PSME4: variants seen among roughly 807,000 people sequenced by gnomAD.
PSME4 encodes proteasome activator subunit 4.
PSME4 carries 89 observed loss-of-function variants against 253.9 expected under a neutral mutation model. That is an observed-to-expected ratio of 0.35 (90% CI 0.30 to 0.42). The LOEUF is 0.42. Ranked by LOEUF, PSME4 falls within the 10% of genes least tolerant of loss-of-function variation. PSME4 has a pLI of 1.00. For synonymous variants in PSME4, 851 were observed against 759.2 expected, an observed-to-expected ratio of 1.12 and a Z score of -1.99; for missense variants, 2,014 against 2,195.2, an observed-to-expected ratio of 0.92 and a Z score of 1.65.
chr2:53,874,625 G>T, intron 42 of PSME4, 131 bp from the exon 43 acceptor site: 3 of 942,590 alleles, frequency 3.2e-6, no homozygotes, highest in South Asian at 1.6e-5. Flanking sequence ...GTTAGGACAA[G>T]CTCATATTTC....
chr2:53,897,565 C>G (rs755902632), intron 31 of PSME4, among the ~76,000 whole-genome samples: 20 of 152,134 alleles, frequency 1.3e-4, no homozygotes, highest in Middle Eastern at 3.2e-3. Flanking sequence ...GAGTAAAAAG[C>G]TATACCCTCG....
chr2:53,939,550 G>A (rs1326801138), intron 4 of PSME4, among the ~76,000 whole-genome samples: 1 of 152,014 alleles, frequency 6.6e-6, no homozygotes, highest in Non-Finnish European at 1.5e-5. Flanking sequence ...ATACAGCAAG[G>A]CCCCACTCTC....
At chr2:53,955,237 A>G (rs1282833641) in intron 1 of PSME4, among the ~76,000 whole-genome samples, 1 of 152,234 alleles carries the variant, frequency 6.6e-6, no homozygotes, top group African/African-American at 2.4e-5. Context: ...CCTGAAAAAA[A>G]ATCTATAAGT....
chr2:53,926,760 G>A (rs1668574670), intron 12 of PSME4, among the ~76,000 whole-genome samples: 1 of 151,686 alleles, frequency 6.6e-6, no homozygotes, highest in Non-Finnish European at 1.5e-5. Flanking sequence ...ATTACTTGAG[G>A]CCAGGAGTTC....
chr2:53,900,118 A>G (rs1238236229), intron 28 of PSME4, 101 bp from the exon 29 acceptor site: 1 of 1,061,368 alleles, frequency 9.4e-7, no homozygotes. Flanking sequence ...GCCAGACACA[A>G]AAGTCCACAT....
intron 26 of PSME4, 130 bp from the exon 27 acceptor site, chr2:53,904,286 G>T (rs559784629): frequency 5.4e-6 from 5 of 928,406 alleles, no homozygotes; most frequent in South Asian, 2.0e-5. Context: ...TTCAAAGCAC[G>T]TACCCTAAAA....
At chr2:53,904,942 C>A (rs561258819) in intron 26 of PSME4, among the ~76,000 whole-genome samples, 2 of 149,940 alleles carry the variant, frequency 1.3e-5, no homozygotes, top group South Asian at 4.4e-4. Flanking sequence ...GAACCAAGAT[C>A]GTGCCACTGC....
chr2:53,920,443 G>A, intron 18 of PSME4, 93 bp from the exon 19 acceptor site: 1 of 1,259,304 alleles, frequency 7.9e-7, no homozygotes, highest in Non-Finnish European at 1.1e-6. Context: ...AAATTTAAAA[G>A]AAAATGTACA....
At chr2:53,935,652 G>A (rs1488582056) in intron 7 of PSME4, among the ~76,000 whole-genome samples, 1 of 152,122 alleles carries the variant, frequency 6.6e-6, no homozygotes, top group Non-Finnish European at 1.5e-5. Context: ...AATATACTTA[G>A]TACTTTCCAA....
intron 10 of PSME4, 132 bp downstream of exon 10, chr2:53,931,703 C>CCTGCTTCT: frequency 2.1e-6 from 2 of 958,234 alleles, no homozygotes; most frequent in Non-Finnish European, 3.0e-6. Context: ...ATTAAAATGT[C>CCTGCTTCT]CTGCTTCTCC....
chr2:53,936,545 T>G (rs1669124237), intron 6 of PSME4, among the ~76,000 whole-genome samples: 1 of 152,030 alleles, frequency 6.6e-6, no homozygotes, highest in African/African-American at 2.4e-5. Context: ...CTCCTAAATA[T>G]TGATAAAACC....
At chr2:53,927,357 A>G (rs372431060) in intron 12 of PSME4, 37 bp downstream of exon 12, 22 of 1,381,706 alleles carry the variant, frequency 1.6e-5, no homozygotes, top group Non-Finnish European at 2.0e-5. Context: ...AATAATTAGA[A>G]CATCTTAGCC....
intron 3 of PSME4, among the ~76,000 whole-genome samples, chr2:53,943,043 T>C (rs1196983312): frequency 1.3e-5 from 2 of 152,166 alleles, no homozygotes; most frequent in African/African-American, 4.8e-5. Flanking sequence ...CAGTGAACCA[T>C]ATAAACTTGC....
chr2:53,961,635 G>C (rs1284267427), intron 1 of PSME4, among the ~76,000 whole-genome samples: 8 of 152,032 alleles, frequency 5.3e-5, no homozygotes, highest in African/African-American at 1.9e-4. Context: ...CTGTGACAGC[G>C]CCACTGCACT....
chr2:53,944,401 C>T (rs543432088), intron 3 of PSME4, among the ~76,000 whole-genome samples: 3 of 152,258 alleles, frequency 2.0e-5, no homozygotes, highest in African/African-American at 7.2e-5. Context: ...CTCAGATGAT[C>T]CATCTACCTC....
chr2:53,916,510 T>C (rs540446510), intron 20 of PSME4, among the ~76,000 whole-genome samples: 4 of 152,320 alleles, frequency 2.6e-5, no homozygotes, highest in East Asian at 1.9e-4. Context: ...TAGTTTCAAA[T>C]TGATCTGCTG....
intron 16 of PSME4, 53 bp downstream of exon 16, chr2:53,922,996 A>G: frequency 1.5e-6 from 2 of 1,341,596 alleles, no homozygotes; most frequent in Non-Finnish European, 2.0e-6. Flanking sequence ...TTAGAAACCA[A>G]GAAAAAAACT....
intron 45 of PSME4, 68 bp from the exon 46 acceptor site, chr2:53,866,291 T>A: frequency 1.3e-6 from 2 of 1,518,904 alleles, no homozygotes. Flanking sequence ...TAGGATACTT[T>A]TAGTTAAATT....
intron 18 of PSME4, 42 bp from the exon 19 acceptor site, chr2:53,920,392 AAAC>A (rs760410897): frequency 3.6e-5 from 55 of 1,520,434 alleles, no homozygotes; most frequent in Admixed American, 8.4e-5. Context: ...GAGAAATTAA[AAAC>A]AACAACAACA....
Sources: allele counts gnomAD v4.1 joint callset (sites outside exome capture counted in the v4.1 genomes callset), GRCh38; gene constraint gnomAD v4.1.1; transcripts MANE v1.5; gene names NCBI Gene and HGNC (gene_info 2026-07-23, HGNC 2026-07-21).